Variants in ASIC2 observed in about 807,000 individuals in gnomAD.
The protein encoded by ASIC2 is acid-sensing ion channel 2.
ASIC2 carries 25 observed loss-of-function variants against 57.3 expected under a neutral mutation model. That is an observed-to-expected ratio of 0.44 (90% CI 0.32 to 0.61). The LOEUF (loss-of-function observed/expected upper bound fraction) is 0.61, where lower values mean the gene tolerates loss of function less well. Among genes scored for constraint, ASIC2 ranks in the 20% least tolerant of loss-of-function variants. ASIC2 has a pLI of 0.06. For synonymous variants in ASIC2, 319 were observed against 307.5 expected, an observed-to-expected ratio of 1.04 and a Z score of -0.39; for missense variants, 641 against 738.1, an observed-to-expected ratio of 0.87 and a Z score of 1.52.
intron 1 of ASIC2, among the ~76,000 whole-genome samples, chr17:34,087,903 T>G (rs892218316): frequency 1.1e-4 from 17 of 152,156 alleles, no homozygotes; most frequent in East Asian, 3.9e-4. Flanking sequence ...GCTCCTTTAA[T>G]CACTTCTCTG....
Position 33,291,390 on chromosome 17 carries a change from G to C in ASIC2, c.708+18C>G. ...AGTGGGGCGCAGAGGGAGCGGGTTC[G>C]CGCGGAGGGCAACTCACGGAGGAGA... On this transcript the variant is annotated intron_variant, in intron 1 of 9. Coordinates refer to ENST00000225823, the MANE Select transcript of ASIC2 (RefSeq NM_183377.2). The C allele has an allele frequency of 6.3e-7, 1 of 1,582,364 alleles. No individual in the cohort carries two copies. The highest frequency in any genetic ancestry group is 8.6e-7 in the Non-Finnish European group (1 of 1,165,026).
At chr17:33,880,073 A>G (rs529466231) in intron 1 of ASIC2, among the ~76,000 whole-genome samples, 1 of 152,348 alleles carries the variant, frequency 6.6e-6, no homozygotes, top group East Asian at 1.9e-4. Context: ...CAAAGACACA[A>G]CATACCAGAA....
chr17:33,393,417 G>A (rs532834815), intron 1 of ASIC2, among the ~76,000 whole-genome samples: 67 of 151,976 alleles, frequency 4.4e-4, no homozygotes, highest in African/African-American at 1.3e-3. Flanking sequence ...GAACTGTACC[G>A]TGTGTTCACA....
chr17:33,143,909 G>A (rs1904433425), intron 1 of ASIC2, among the ~76,000 whole-genome samples: 1 of 152,158 alleles, frequency 6.6e-6, no homozygotes, highest in African/African-American at 2.4e-5. Flanking sequence ...TCCAACAATA[G>A]GAGAAAGATT....
chr17:33,255,934 A>G lies in ASIC2; in HGVS notation c.708+35474T>C, dbSNP rs137883775. Reference sequence around the variant, plus strand: ...AAGAACACCAATATACCCTCTACCTAAGTCACCTCTTATTAATATTTTCCT... The same window carrying G: ...AAGAACACCAATATACCCTCTACCTGAGTCACCTCTTATTAATATTTTCCT... On this transcript the variant is annotated intron_variant, in intron 1 of 9. Transcript: ENST00000225823. Among the ~76,000 whole-genome samples, 10 of 152,240 alleles carry G rather than the reference A, an allele frequency of 6.6e-5. No individual in the cohort carries two copies. In the East Asian group the frequency reaches 1.7e-3, roughly 26 times the overall value.
intron 1 of ASIC2, among the ~76,000 whole-genome samples, chr17:33,739,825 AAAG>A (rs986171293): frequency 6.6e-5 from 10 of 151,784 alleles, no homozygotes; most frequent in African/African-American, 2.4e-4. Flanking sequence ...AGAAAGAAAG[AAAG>A]AAAAAGAAAG....
intron 1 of ASIC2, among the ~76,000 whole-genome samples, chr17:33,202,090 C>T (rs1306698954): frequency 6.6e-6 from 1 of 151,682 alleles, no homozygotes; most frequent in East Asian, 1.9e-4. Flanking sequence ...TACTGGCTTG[C>T]CCTTGATTCC....
chr17:33,968,059 C>A (rs1448819925), intron 1 of ASIC2, among the ~76,000 whole-genome samples: 1 of 152,236 alleles, frequency 6.6e-6, no homozygotes, highest in Non-Finnish European at 1.5e-5. Flanking sequence ...GCCCAAGACT[C>A]TTGTCAATAC....
At chr17:33,906,545 T>A (rs893900326) in intron 1 of ASIC2, among the ~76,000 whole-genome samples, 4 of 152,180 alleles carry the variant, frequency 2.6e-5, no homozygotes, top group Admixed American at 1.3e-4. Context: ...GGTGGTACAT[T>A]AAGAGGTTCA....
chr17:34,027,494 A>G (rs1482771410), intron 1 of ASIC2, among the ~76,000 whole-genome samples: 1 of 152,134 alleles, frequency 6.6e-6, no homozygotes, highest in Non-Finnish European at 1.5e-5. Flanking sequence ...TAGAGTCACA[A>G]GTTATCTTTT....
intron 1 of ASIC2, among the ~76,000 whole-genome samples, chr17:34,009,802 A>G (rs1036402111): frequency 2.6e-5 from 4 of 152,150 alleles, no homozygotes; most frequent in Non-Finnish European, 5.9e-5. Context: ...AATGAGCTAG[A>G]GCTTTCAGAA....
intron 1 of ASIC2, among the ~76,000 whole-genome samples, chr17:33,870,380 AAATAAT>A (rs147425514): frequency 6.6e-6 from 1 of 151,628 alleles, no homozygotes; most frequent in African/African-American, 2.4e-5. Flanking sequence ...GCTTAGACAA[AAATAAT>A]AATAATAAAT....
intron 1 of ASIC2, among the ~76,000 whole-genome samples, chr17:33,208,333 T>A (rs1191883884): frequency 6.6e-6 from 1 of 152,162 alleles, no homozygotes; most frequent in African/African-American, 2.4e-5. Flanking sequence ...CCCCTGGCCA[T>A]CTAGTTCTTT....
intron 1 of ASIC2, among the ~76,000 whole-genome samples, chr17:33,801,687 G>C (rs1009879548): frequency 1.3e-5 from 2 of 152,204 alleles, no homozygotes; most frequent in African/African-American, 4.8e-5. Flanking sequence ...CCAGTGAACA[G>C]TTGCTCTTCT....
At chr17:33,298,476 T>C (rs1905815149) in intron 1 of ASIC2, among the ~76,000 whole-genome samples, 1 of 152,230 alleles carries the variant, frequency 6.6e-6, no homozygotes, top group Admixed American at 6.5e-5. Flanking sequence ...ATGTGCCACA[T>C]TTTCTTAATC....
chr17:33,353,311 T>G (rs1908254748), intron 1 of ASIC2, among the ~76,000 whole-genome samples: 1 of 152,106 alleles, frequency 6.6e-6, no homozygotes, highest in Non-Finnish European at 1.5e-5. Context: ...CCTCTACCTG[T>G]CTCATGCCCA....
chr17:33,369,850 T>A (rs1908975316), intron 1 of ASIC2, among the ~76,000 whole-genome samples: 1 of 152,344 alleles, frequency 6.6e-6, no homozygotes, highest in Admixed American at 6.5e-5. Flanking sequence ...CGAGAGCATA[T>A]TCTTAGTATA....
intron 1 of ASIC2, among the ~76,000 whole-genome samples, chr17:33,819,154 C>T (rs1912676041): frequency 6.6e-6 from 1 of 152,234 alleles, no homozygotes. Context: ...GTAAGTATGC[C>T]TCTCAGCTCC....
At chr17:33,393,386 C>A (rs958076153) in intron 1 of ASIC2, among the ~76,000 whole-genome samples, 1 of 152,054 alleles carries the variant, frequency 6.6e-6, no homozygotes, top group Non-Finnish European at 1.5e-5. Flanking sequence ...GAATGCTCTT[C>A]CTTCTCCCGC....
Sources: allele counts gnomAD v4.1 joint callset (sites outside exome capture counted in the v4.1 genomes callset), GRCh38; gene constraint gnomAD v4.1.1; transcripts MANE v1.5; gene names NCBI Gene and HGNC (gene_info 2026-07-23, HGNC 2026-07-21).